GRIK4: variants seen among roughly 807,000 people sequenced by gnomAD.
The protein encoded by GRIK4 is glutamate receptor ionotropic, kainate 4.
A neutral mutation model predicts 104.9 loss-of-function variants in GRIK4; 40 were observed. That is an observed-to-expected ratio of 0.38 (90% confidence interval 0.30 to 0.50). The LOEUF (loss-of-function observed/expected upper bound fraction) is 0.50. GRIK4 is among the 20% of genes least tolerant of loss of function. GRIK4 has a pLI of 0.93. For missense variants in GRIK4, 1,047 were observed against 1,308.1 expected, an observed-to-expected ratio of 0.80 and a Z score of 3.08; for synonymous variants, 485 against 524.9, an observed-to-expected ratio of 0.92 and a Z score of 1.04.
chr11:120,836,784 C>T lies in GRIK4; in HGVS notation c.691-7C>T. 6.3e-7 allele frequency: 1 copy of T among 1,599,286 alleles called. No homozygotes were observed. Among genetic ancestry groups the T allele is most frequent in the Non-Finnish European group, 8.6e-7 (1 of 1,166,444 alleles). ...TCTTCTCTAATCTCCTTCTCTTCGC[C>T]TTGCAGGCAGCCGAACTTGGGATGG... On this transcript the variant is annotated splice_polypyrimidine_tract_variant and splice_region_variant and intron_variant, in intron 7 of 20. Transcript: ENST00000527524.
At chr11:120,618,236 A>T (rs1190624115) in intron 1 of GRIK4, among the ~76,000 whole-genome samples, 1 of 152,186 alleles carries the variant, frequency 6.6e-6, no homozygotes, top group Non-Finnish European at 1.5e-5. Context: ...TAGAACTTTG[A>T]TCTTGAGAGT....
chr11:120,735,075 G>A (rs1450173119), intron 3 of GRIK4, among the ~76,000 whole-genome samples: 3 of 152,166 alleles, frequency 2.0e-5, no homozygotes, highest in Non-Finnish European at 4.4e-5. Flanking sequence ...GGTCCCTCGT[G>A]CCTTATTTAG....
intron 1 of GRIK4, among the ~76,000 whole-genome samples, chr11:120,617,657 C>T (rs1294370259): frequency 6.6e-6 from 1 of 152,170 alleles, no homozygotes; most frequent in African/African-American, 2.4e-5. Flanking sequence ...TTGTGATAGT[C>T]AATGAGTTCT....
At chr11:120,924,312 C>T (rs75733356) in intron 13 of GRIK4, among the ~76,000 whole-genome samples, 14 of 152,228 alleles carry the variant, frequency 9.2e-5, no homozygotes, top group South Asian at 8.3e-4. Context: ...CAGTCGGTAC[C>T]GTGGCAGCAG....
intron 1 of GRIK4, among the ~76,000 whole-genome samples, chr11:120,552,024 A>C (rs1293203582): frequency 6.6e-6 from 1 of 152,172 alleles, no homozygotes; most frequent in Non-Finnish European, 1.5e-5. Context: ...AATAAACTGT[A>C]AACATAAGTA....
chr11:120,574,447 T>C (rs1263756729), intron 1 of GRIK4, among the ~76,000 whole-genome samples: 1 of 152,136 alleles, frequency 6.6e-6, no homozygotes, highest in East Asian at 1.9e-4. Context: ...GGGCACTGTT[T>C]TACTCCCTTT....
chr11:120,543,253 A>G (rs146553387), intron 1 of GRIK4, among the ~76,000 whole-genome samples: 1 of 152,170 alleles, frequency 6.6e-6, no homozygotes, highest in Non-Finnish European at 1.5e-5. Context: ...TGTACCCCTG[A>G]ACCTAAAAGT....
intron 3 of GRIK4, among the ~76,000 whole-genome samples, chr11:120,699,983 A>G (rs1950524537): frequency 6.6e-6 from 1 of 152,222 alleles, no homozygotes; most frequent in African/African-American, 2.4e-5. Context: ...GAGCAAAGTA[A>G]GGCCATGATT....
At chr11:120,867,080 C>G (rs1359015333) in intron 9 of GRIK4, among the ~76,000 whole-genome samples, 1 of 152,122 alleles carries the variant, frequency 6.6e-6, no homozygotes, top group Non-Finnish European at 1.5e-5. Flanking sequence ...GAACGTACAT[C>G]TGTCTCCCAG....
rs1181563205 is a variant in GRIK4, at chr11:120,524,974, G to C, written c.-159+13087G>C. ...TCTTGGCTTCTGGAGCCCATCAGGGGCTGCACCATGAATGCCCAGTGACTC... is the reference window on the plus strand; with the variant it reads ...TCTTGGCTTCTGGAGCCCATCAGGGCCTGCACCATGAATGCCCAGTGACTC... On this transcript the variant is annotated intron_variant, in intron 1 of 20. Coordinates refer to ENST00000527524, the MANE Select transcript of GRIK4 (RefSeq NM_014619.5). This position sits in a 1 kb window ranked among gnomAD's most constrained non-coding sequence, Gnocchi z 4.5. Among the ~76,000 whole-genome samples, 1 of 152,152 alleles carries C rather than the reference G, an allele frequency of 6.6e-6. No individual in the cohort carries two copies. Among genetic ancestry groups the C allele is most frequent in the Non-Finnish European group, 1.5e-5 (1 of 68,028 alleles).
chr11:120,689,212 C>T (rs553697267), intron 3 of GRIK4, among the ~76,000 whole-genome samples: 27 of 152,102 alleles, frequency 1.8e-4, no homozygotes, highest in African/African-American at 6.5e-4. Flanking sequence ...CTATGGAAAC[C>T]GGAAGTTTCC....
intron 1 of GRIK4, among the ~76,000 whole-genome samples, chr11:120,633,035 CAG>C (rs763036307): frequency 1.2e-4 from 18 of 152,186 alleles, no homozygotes; most frequent in Non-Finnish European, 2.5e-4. Context: ...GGCACACAAA[CAG>C]ATGATGGCAC....
chr11:120,874,133 G>C lies in GRIK4; in HGVS notation c.974G>C (p.Ser325Thr), dbSNP rs144440903. Residue 325 changes from serine (S) to threonine (T), a missense_variant, in exon 10 of 21, where the codon AGC (serine) becomes ACC (threonine). Around this residue, in one of 3 missense-constraint regions of GRIK4, gnomAD observed 447 missense variants for 514.9 expected, o/e 0.87. Transcript: ENST00000527524. Reference sequence around the variant, plus strand: ...ACTGCGGTGCAGGAACTGAACCGGAGCCAAGAGATCGGCGTGAAGCCCTTG... The same window carrying C: ...ACTGCGGTGCAGGAACTGAACCGGACCCAAGAGATCGGCGTGAAGCCCTTG... Reference protein sequence around the residue: ...VVTAVQELNRSQEIGVKPLSC... With the variant: ...VVTAVQELNRTQEIGVKPLSC... 1 of 1,613,950 alleles carries C rather than the reference G, an allele frequency of 6.2e-7. No individual in the cohort carries two copies. The highest frequency in any genetic ancestry group is 1.3e-5 in the African/African-American group (1 of 74,924).
intron 12 of GRIK4, among the ~76,000 whole-genome samples, chr11:120,904,735 C>T (rs1378881623): frequency 3.9e-5 from 6 of 152,192 alleles, no homozygotes; most frequent in Non-Finnish European, 8.8e-5. Context: ...TCCCCTGGCC[C>T]ATGCCTTTCA....
chr11:120,791,652 G>C (rs942488733), intron 3 of GRIK4, among the ~76,000 whole-genome samples: 1 of 152,088 alleles, frequency 6.6e-6, no homozygotes, highest in African/African-American at 2.4e-5. Flanking sequence ...TTGTGCTTTT[G>C]ATGTCATATC....
Position 120,953,418 on chromosome 11 carries a change from C to T in GRIK4, c.1700+454C>T, listed in dbSNP as rs1944055068. Among the ~76,000 whole-genome samples, 1 of 152,182 alleles carries T rather than the reference C, an allele frequency of 6.6e-6. No homozygotes were observed. The highest frequency in any genetic ancestry group is 1.5e-5 in the Non-Finnish European group (1 of 68,034). On this transcript the variant is annotated intron_variant, in intron 15 of 20. Coordinates refer to ENST00000527524, the MANE Select transcript of GRIK4 (RefSeq NM_014619.5). The surrounding 1 kb of genome is among the most constrained non-coding windows in gnomAD (Gnocchi z 4.9). ...AAGGAACAGAGCCTGCAAATCTGGA[C>T]TGGGGGCACTGGGGGCTGCAGTGGA...
chr11:120,576,301 A>G (rs1400481937), intron 1 of GRIK4: 1 of 152,250 alleles, frequency 6.6e-6, no homozygotes, highest in Non-Finnish European at 1.5e-5. Context: ...AGGATTCCTC[A>G]TAGTTGACAT....
intron 1 of GRIK4, among the ~76,000 whole-genome samples, chr11:120,588,337 C>T (rs1443603384): frequency 6.6e-6 from 1 of 152,206 alleles, no homozygotes; most frequent in African/African-American, 2.4e-5. Flanking sequence ...CAGCCAACTC[C>T]TTTCCTTTTT....
intron 19 of GRIK4, among the ~76,000 whole-genome samples, chr11:120,975,566 G>C (rs1338865456): frequency 2.0e-5 from 3 of 152,296 alleles, no homozygotes; most frequent in East Asian, 3.9e-4. Flanking sequence ...TCTGGAAACT[G>C]GGCCAAGATT....
Sources: allele counts gnomAD v4.1 joint callset (sites outside exome capture counted in the v4.1 genomes callset), GRCh38; gene constraint gnomAD v4.1.1; regional missense constraint gnomAD v4.1.1; non-coding constraint Gnocchi (gnomAD v3.1); transcripts MANE v1.5; gene names NCBI Gene and HGNC (gene_info 2026-07-23, HGNC 2026-07-21).